TPM3: variants seen among roughly 807,000 people sequenced by gnomAD.
TPM3 encodes the protein tropomyosin alpha-3 chain.
TPM3 carries 16 observed loss-of-function variants against 43.1 expected under a neutral mutation model. The observed-to-expected ratio is 0.37, with a 90% CI of 0.25 to 0.56. The LOEUF is 0.56. Ranked by LOEUF, TPM3 falls within the 20% of genes least tolerant of loss-of-function variation. The pLI, the probability that TPM3 is intolerant of heterozygous loss-of-function variation, is 0.77. For missense variants in TPM3, 176 were observed against 337.2 expected, an observed-to-expected ratio of 0.52 and a Z score of 3.74; for synonymous variants, 101 against 116.9, an observed-to-expected ratio of 0.86 and a Z score of 0.88.
At position 154,164,809 on chromosome 1, in the gene TPM3, G is replaced by A. The variant is rs1004920032; in HGVS notation, c.*3128C>T. The stretch of plus-strand genomic sequence containing the variant: ...GAATATGGAAAAAGCCATCAAAAAT[G>A]GTAACATAAATGGCTGAAATGTGAG... On this transcript the variant is annotated 3_prime_UTR_variant, in exon 10 of 10. Coordinates refer to ENST00000651641, the MANE Select transcript of TPM3 (RefSeq NM_152263.4). Among the ~76,000 whole-genome samples the A allele has an allele frequency of 6.6e-6, 1 of 152,198 alleles. No individual in the cohort carries two copies. Among genetic ancestry groups the A allele is most frequent in the African/African-American group, 2.4e-5 (1 of 41,438 alleles).
chr1:154,189,693 G>A (rs952694790), intron 2 of TPM3, among the ~76,000 whole-genome samples: 1 of 150,786 alleles, frequency 6.6e-6, no homozygotes, highest in East Asian at 2.0e-4. Context: ...AGTTACTCAG[G>A]AGGCTGAGAT....
chr1:154,158,015 C>A (rs1178105018), downstream of TPM3, among the ~76,000 whole-genome samples: 1 of 152,202 alleles, frequency 6.6e-6, no homozygotes, highest in African/African-American at 2.4e-5. Flanking sequence ...AAAGAGCAAG[C>A]CTTAACCATC....
At chr1:154,185,347 C>T (rs189295202) in intron 2 of TPM3, among the ~76,000 whole-genome samples, 76 of 139,386 alleles carry the variant, frequency 5.5e-4, no homozygotes, top group Non-Finnish European at 1.0e-3. Context: ...TACTCCAGCC[C>T]GGGTGACAGA....
intron 2 of TPM3, among the ~76,000 whole-genome samples, chr1:154,188,025 T>C (rs920392082): frequency 1.3e-5 from 2 of 151,422 alleles, no homozygotes; most frequent in Non-Finnish European, 2.9e-5. Context: ...TTGTTTTGTT[T>C]TGTTTTTTTG....
Position 154,162,301 on chromosome 1 carries a change from C to T in TPM3, c.*5636G>A, listed in dbSNP as rs199849200. The stretch of plus-strand genomic sequence containing the variant: ...GATCACTTAAACCCAGGAGGCGGAG[C>T]TTGCAGTGAGCCAAGATCACACCAC... On this transcript the variant is annotated 3_prime_UTR_variant, in exon 10 of 10. Transcript: ENST00000651641. Among the ~76,000 whole-genome samples, 2 of 139,538 alleles carry T rather than the reference C, an allele frequency of 1.4e-5. No individual in the cohort carries two copies. The highest frequency in any genetic ancestry group is 4.6e-4 in the South Asian group (2 of 4,312). 91.5% of individuals were successfully genotyped at this position (139,538 alleles called of 152,430 possible).
intron 2 of TPM3, among the ~76,000 whole-genome samples, chr1:154,184,851 T>C (rs1301814368): frequency 6.6e-6 from 1 of 151,964 alleles, no homozygotes; most frequent in Non-Finnish European, 1.5e-5. Context: ...AAGGCAGAGG[T>C]TGCAGTGAGC....
At chr1:154,172,411 C>T (rs1283306607) in intron 5 of TPM3, 2 of 588,974 alleles carry the variant, frequency 3.4e-6, no homozygotes, top group Non-Finnish European at 6.6e-6. Flanking sequence ...AAAACAGACA[C>T]CAGATTTTTT....
At position 154,174,368 on chromosome 1, in the gene TPM3, G is replaced by GTGTATATATATATA. The variant is rs1389219269; in HGVS notation, c.378-1168_378-1167insTATATATATATACA. Among the ~76,000 whole-genome samples, 24 of 46,376 alleles carry GTGTATATATATATA rather than the reference G, an allele frequency of 5.2e-4. 1 individual carries two copies. Among genetic ancestry groups the GTGTATATATATATA allele is most frequent in the African/African-American group, 1.1e-3 (17 of 14,938 alleles). 30.4% of individuals were successfully genotyped at this position (46,376 alleles called of 152,430 possible). A position where few individuals can be genotyped will look rare whatever the true frequency, so the allele number is the denominator to read the frequency against. On this transcript the variant is annotated intron_variant, in intron 3 of 9. Transcript: ENST00000651641. ...AAATAAATATTATTTAAATATATGTGTATATATATATATATATATATATAT... is the reference window on the plus strand; with the variant it reads ...AAATAAATATTATTTAAATATATGTGTGTATATATATATATATATATATATATATATATATATAT...
chr1:154,172,744 A>G lies in TPM3; in HGVS notation c.566+164T>C, dbSNP rs574247232. On this transcript the variant is annotated intron_variant, in intron 5 of 9. Coordinates refer to ENST00000651641, the MANE Select transcript of TPM3 (RefSeq NM_152263.4). ...TTGTCACTAGTCAGGAGAATAAGGA[A>G]GCCTAAAACCATTCTTGGGCCTAAA... 9.2e-4 allele frequency: 769 copies of G among 835,790 alleles called. 1 individual carries two copies. Among genetic ancestry groups the G allele is most frequent in the Non-Finnish European group, 6.6e-4 (321 of 488,744 alleles). The allele number at this position is 835,790 out of a possible 1,614,324, so 51.8% of individuals were successfully genotyped here.
rs73012900 is a variant in TPM3 at position 154,171,310 on chromosome 1, C to T, written c.642+103G>A. On this transcript the variant is annotated intron_variant, in intron 6 of 9. Transcript: ENST00000651641. ...ATGGTAAGGAGGTAGGAAGAGGACA[C>T]GCCTCACTGGATTATATATGGAATG... 1.7e-3 allele frequency: 2,036 copies of T among 1,214,790 alleles called. 23 individuals carry two copies. Among genetic ancestry groups the T allele is most frequent in the African/African-American group, 0.015 (1,011 of 67,116 alleles). 75.3% of individuals were successfully genotyped at this position (1,214,790 alleles called of 1,614,324 possible).
intron 2 of TPM3, among the ~76,000 whole-genome samples, chr1:154,188,220 T>C (rs1026240031): frequency 6.6e-6 from 1 of 151,526 alleles, no homozygotes; most frequent in Admixed American, 6.6e-5. Flanking sequence ...CACACCTGGC[T>C]AATTTTTAAA....
chr1:154,183,852 C>CCTTTTTTTTTTTTTTTTTTTT lies in TPM3; in HGVS notation c.243+7333_243+7334insAAAAAAAAAAAAAAAAAAAAG. On this transcript the variant is annotated intron_variant, in intron 2 of 9. Transcript: ENST00000651641. ...GTTCTATTTAGAACAGACTTTTCTC[C>CCTTTTTTTTTTTTTTTTTTTT]TTTTTTTTTTTTTTTTTTTTTTTTT... 2.0e-5 allele frequency: 2 copies of CCTTTTTTTTTTTTTTTTTTTT among 99,312 alleles called. 1 individual carries two copies. The highest frequency in any genetic ancestry group is 7.8e-5 in the African/African-American group (2 of 25,526). 6.2% of individuals were successfully genotyped at this position (99,312 alleles called of 1,614,324 possible). A position where few individuals can be genotyped will look rare whatever the true frequency, so the allele number is the denominator to read the frequency against.
chr1:154,167,328 G>A lies in TPM3; in HGVS notation c.*609C>T, dbSNP rs569454148. ...AGCAATAATGTATTGGGTTCACTGG[G>A]TGTTCTGAGGATGCACCATTTGAAC... On this transcript the variant is annotated 3_prime_UTR_variant, in exon 10 of 10. Transcript: ENST00000651641. The A allele has an allele frequency of 3.8e-5, 40 of 1,056,110 alleles. No homozygotes were observed. The highest frequency in any genetic ancestry group is 4.3e-4 in the Middle Eastern group (1 of 2,352). 65.4% of individuals were successfully genotyped at this position (1,056,110 alleles called of 1,614,324 possible). A position where few individuals can be genotyped will look rare whatever the true frequency, so the allele number is the denominator to read the frequency against.
At position 154,191,900 on chromosome 1, in the gene TPM3, A is replaced by C. The variant is rs1663694793; in HGVS notation, c.117+2T>G. 1 of 1,612,778 alleles carries C rather than the reference A, an allele frequency of 6.2e-7. No individual in the cohort carries two copies. Among genetic ancestry groups the C allele is most frequent in the African/African-American group, 1.3e-5 (1 of 74,866 alleles). On this transcript the variant is annotated splice_donor_variant, in intron 1 of 9. Transcript: ENST00000651641. LOFTEE classifies it high-confidence loss of function. ...ATGAGAGAGATCAATGCCAGTGCCT[A>C]CCTGTTTACTTCTTTCTTCTGCCTG...
In TPM3 at chr1:154,165,373, G is replaced by T. The variant is rs1342971204; in HGVS notation, c.*2564C>A. 6.6e-6 allele frequency among the ~76,000 whole-genome samples: 1 copy of T among 151,834 alleles called. No homozygotes were observed. Among genetic ancestry groups the T allele is most frequent in the Non-Finnish European group, 1.5e-5 (1 of 67,948 alleles). On this transcript the variant is annotated 3_prime_UTR_variant, in exon 10 of 10. Transcript: ENST00000651641. ...CTCCATCCAGCCTGGGTGACAGAGC[G>T]AGACTCCATCTCAAAAAGAGAAAAA...
intron 8 of TPM3, chr1:154,169,978 CACA>C (rs1661395746): frequency 3.7e-6 from 1 of 272,918 alleles, no homozygotes; most frequent in African/African-American, 2.2e-5. Context: ...ATGGTTATTC[CACA>C]ACTTCATTTA....
In TPM3 at chr1:154,170,611, A is replaced by G. The variant is rs747497913; in HGVS notation, c.705+38T>C. The G allele has an allele frequency of 3.1e-6, 5 of 1,604,112 alleles. No homozygotes were observed. The Admixed American group carries it at 6.7e-5, about 21-fold the overall frequency. On this transcript the variant is annotated intron_variant, in intron 7 of 9. Coordinates refer to ENST00000651641, the MANE Select transcript of TPM3 (RefSeq NM_152263.4). ...ATATTAATGCCTTATATACCTCTAA[A>G]TGTTTTGGGTTCTGCCCTATAAATC... is the stretch of plus-strand genomic sequence containing the variant.
At chr1:154,179,680 T>C (rs1284204621) in intron 2 of TPM3, among the ~76,000 whole-genome samples, 1 of 152,106 alleles carries the variant, frequency 6.6e-6, no homozygotes, top group Non-Finnish European at 1.5e-5. Flanking sequence ...GCCTCCAGGG[T>C]TGAAGCAATT....
chr1:154,170,809 C>G, intron 6 of TPM3, 98 bp from the exon 7 acceptor site: 1 of 863,414 alleles, frequency 1.2e-6, no homozygotes, highest in Non-Finnish European at 1.9e-6. Flanking sequence ...TCCTCTTGCA[C>G]TAAATGTGCT....
Sources: allele counts gnomAD v4.1 joint callset (sites outside exome capture counted in the v4.1 genomes callset), GRCh38; gene constraint gnomAD v4.1.1; transcripts MANE v1.5; gene names NCBI Gene and HGNC (gene_info 2026-07-23, HGNC 2026-07-21).